Variants in SPMIP10 observed in about 807,000 individuals in gnomAD.
SPMIP10 encodes the protein sperm microtubule inner protein 10.
At chr5:126,632,745 T>C in the SPMIP10 span, 1 of 758,888 alleles carries the variant, frequency 1.3e-6, no homozygotes, top group Non-Finnish European at 2.2e-6. Context: ...CCTAGCACTT[T>C]GGGAGACCGA....
At chr5:126,635,358 C>T in the SPMIP10 span, among the ~76,000 whole-genome samples, 1 of 152,032 alleles carries the variant, frequency 6.6e-6, no homozygotes, top group South Asian at 2.1e-4. Flanking sequence ...ATACTTTAAA[C>T]CTTTTTGATA....
At chr5:126,632,458 GA>G in the SPMIP10 span, 1 of 757,724 alleles carries the variant, frequency 1.3e-6, no homozygotes, top group Non-Finnish European at 2.3e-6. Context: ...GACCAAACAT[GA>G]ATGCACAACT....
At chr5:126,635,879 C>G in the SPMIP10 span, among the ~76,000 whole-genome samples, 1 of 151,974 alleles carries the variant, frequency 6.6e-6, no homozygotes, top group Non-Finnish European at 1.5e-5. Context: ...CCAGGCTGGT[C>G]TCAAATTCCT....
chr5:126,635,808 G>A, the SPMIP10 span, among the ~76,000 whole-genome samples: 12 of 151,416 alleles, frequency 7.9e-5, no homozygotes, highest in East Asian at 1.6e-3. Flanking sequence ...CCTCACAGAC[G>A]CGTGCCACGA....
the SPMIP10 span, among the ~76,000 whole-genome samples, chr5:126,635,553 T>C: frequency 5.3e-5 from 8 of 152,192 alleles, no homozygotes; most frequent in African/African-American, 1.9e-4. Context: ...ATTTATAGTC[T>C]GCATGACTCT....
the SPMIP10 span, among the ~76,000 whole-genome samples, chr5:126,632,302 A>ACATTGTGG: frequency 6.7e-6 from 1 of 148,346 alleles, no homozygotes; most frequent in African/African-American, 2.5e-5. Flanking sequence ...ATTAAAATGG[A>ACATTGTGG]CATTGTGGGC....
the SPMIP10 span, chr5:126,631,743 A>G: frequency 4.1e-5 from 66 of 1,609,522 alleles, no homozygotes; most frequent in Non-Finnish European, 5.1e-5. Context: ...GAATGGCTTC[A>G]GGGAAAGATA....
At chr5:126,634,356 C>A in the SPMIP10 span, among the ~76,000 whole-genome samples, 9 of 152,164 alleles carry the variant, frequency 5.9e-5, no homozygotes, top group African/African-American at 1.7e-4. Flanking sequence ...CGCTTGAATC[C>A]GGGAGACACA....
the SPMIP10 span, among the ~76,000 whole-genome samples, chr5:126,632,958 G>A: frequency 2.7e-5 from 4 of 147,946 alleles, no homozygotes; most frequent in Non-Finnish European, 5.9e-5. Context: ...CTGCAATCTA[G>A]CCTGGGCAAC....
At chr5:126,635,827 TA>T in the SPMIP10 span, among the ~76,000 whole-genome samples, 1 of 148,184 alleles carries the variant, frequency 6.7e-6, no homozygotes, top group Non-Finnish European at 1.5e-5. Context: ...GACACCCACC[TA>T]ATTTTTTATT....
At chr5:126,635,249 C>T in the SPMIP10 span, among the ~76,000 whole-genome samples, 1 of 151,250 alleles carries the variant, frequency 6.6e-6, no homozygotes. Context: ...GACCAGAATG[C>T]TATTTGGCAA....
the SPMIP10 span, among the ~76,000 whole-genome samples, chr5:126,632,226 C>A: frequency 8.0e-6 from 1 of 125,548 alleles, no homozygotes; most frequent in African/African-American, 3.8e-5. Context: ...TGGCAAAACC[C>A]CAGCTGGGCA....
At chr5:126,635,350 A>G in the SPMIP10 span, among the ~76,000 whole-genome samples, 6 of 152,128 alleles carry the variant, frequency 3.9e-5, no homozygotes, top group Admixed American at 3.9e-4. Flanking sequence ...GCATCATCAT[A>G]CTTTAAACCT....
the SPMIP10 span, among the ~76,000 whole-genome samples, chr5:126,633,024 T>TATATATATATGTATATATATATAA: frequency 7.2e-6 from 1 of 138,890 alleles, no homozygotes; most frequent in African/African-American, 3.1e-5. Flanking sequence ...TATATATATA[T>TATATATATATGTATATATATATAA]ATATATATAA....
At chr5:126,634,570 G>T in the SPMIP10 span, among the ~76,000 whole-genome samples, 1 of 152,160 alleles carries the variant, frequency 6.6e-6, no homozygotes, top group Non-Finnish European at 1.5e-5. Context: ...TTTCATTTAT[G>T]AGAATTATAG....
At chr5:126,634,826 T>A in the SPMIP10 span, among the ~76,000 whole-genome samples, 2 of 152,120 alleles carry the variant, frequency 1.3e-5, no homozygotes, top group African/African-American at 4.8e-5. Context: ...CTTTTATTTA[T>A]CCTCACCATT....
chr5:126,634,972 A>G, the SPMIP10 span, among the ~76,000 whole-genome samples: 2 of 152,022 alleles, frequency 1.3e-5, no homozygotes, highest in Non-Finnish European at 2.9e-5. Flanking sequence ...CAGGAGTTTA[A>G]GACCAGCCAG....
the SPMIP10 span, among the ~76,000 whole-genome samples, chr5:126,633,008 C>CATATATATATATATAT: frequency 6.2e-3 from 771 of 125,208 alleles, 23 homozygotes; most frequent in African/African-American, 0.022. Context: ...ATAAATTTTA[C>CATATATATATATATAT]ATATATATAT....
At chr5:126,632,234 G>GGATGAT in the SPMIP10 span, among the ~76,000 whole-genome samples, 1 of 111,832 alleles carries the variant, frequency 8.9e-6, no homozygotes, top group African/African-American at 4.9e-5. Flanking sequence ...CCCCAGCTGG[G>GGATGAT]CATGATAATG....
Sources: gnomAD v4.1 joint callset for allele counts (sites outside exome capture counted in the v4.1 genomes callset) on GRCh38, gnomAD v4.1.1 for gene constraint, MANE v1.5 for transcripts, NCBI Gene and HGNC (gene_info 2026-07-23, HGNC 2026-07-21) for gene names.